KCTD16: variants seen among roughly 807,000 people sequenced by gnomAD.
KCTD16 encodes the protein potassium channel tetramerization domain containing 16.
Under a neutral mutation model 33.2 loss-of-function variants are expected in KCTD16, and 13 were observed. That is an observed-to-expected ratio of 0.39 (90% CI 0.25 to 0.62). The LOEUF (loss-of-function observed/expected upper bound fraction) is 0.62, where lower values mean the gene tolerates loss of function less well. Among genes scored for constraint, KCTD16 ranks in the 20% least tolerant of loss-of-function variants. The pLI is 0.50. For missense variants in KCTD16, 441 were observed against 525.1 expected, an observed-to-expected ratio of 0.84 and a Z score of 1.57; for synonymous variants, 197 against 195.3, an observed-to-expected ratio of 1.01 and a Z score of -0.07.
intron 3 of KCTD16, among the ~76,000 whole-genome samples, chr5:144,218,986 A>T (rs1753648466): frequency 6.6e-6 from 1 of 152,192 alleles, no homozygotes; most frequent in South Asian, 2.1e-4. Flanking sequence ...CCCTAACAGC[A>T]TCAAACTCAT....
intron 3 of KCTD16, among the ~76,000 whole-genome samples, chr5:144,240,308 G>A (rs1040918022): frequency 6.6e-6 from 1 of 152,050 alleles, no homozygotes; most frequent in South Asian, 2.1e-4. Context: ...CTTTAAATTC[G>A]AATTGTGCTT....
At chr5:144,225,057 T>A (rs1054545210) in intron 3 of KCTD16, among the ~76,000 whole-genome samples, 1 of 152,190 alleles carries the variant, frequency 6.6e-6, no homozygotes, top group African/African-American at 2.4e-5. Flanking sequence ...ACCCGAATTC[T>A]GGCATTCTTC....
At chr5:144,412,395 ATTATG>A (rs1401253009) in intron 3 of KCTD16, among the ~76,000 whole-genome samples, 3 of 152,234 alleles carry the variant, frequency 2.0e-5, no homozygotes, top group African/African-American at 7.2e-5. Flanking sequence ...ACTGGAAGTC[ATTATG>A]TTAAGTGAAA....
At chr5:144,375,010 C>T (rs1006163818) in intron 3 of KCTD16, among the ~76,000 whole-genome samples, 1 of 152,194 alleles carries the variant, frequency 6.6e-6, no homozygotes, top group Non-Finnish European at 1.5e-5. Flanking sequence ...GCATTTATTG[C>T]AACATCTCTT....
At position 144,197,574 on chromosome 5, in the gene KCTD16, C is replaced by T. The variant is rs569104862; in HGVS notation, c.-326-8815C>T. Among the ~76,000 whole-genome samples, 187 of 152,244 alleles carry T rather than the reference C, an allele frequency of 1.2e-3. 1 individual carries two copies. Among genetic ancestry groups the T allele is most frequent in the Middle Eastern group, 6.8e-3 (2 of 294 alleles). On this transcript the variant is annotated intron_variant, in intron 2 of 3. Coordinates refer to ENST00000512467, the MANE Select transcript of KCTD16 (RefSeq NM_020768.4). ...TTACTCTGAGCCTGGCACTGAACTG[C>T]GATTGGGGATATAGTGGTGATCTAT...
intron 2 of KCTD16, among the ~76,000 whole-genome samples, chr5:144,189,090 C>T (rs1009604085): frequency 4.6e-5 from 7 of 152,156 alleles, no homozygotes; most frequent in Non-Finnish European, 1.0e-4. Context: ...CTAAGATATG[C>T]CAGGCTCTTT....
chr5:144,356,729 G>T (rs763431587), intron 3 of KCTD16, among the ~76,000 whole-genome samples: 9 of 152,062 alleles, frequency 5.9e-5, no homozygotes, highest in Non-Finnish European at 1.3e-4. Context: ...TGGGGAGAAA[G>T]GCTGGGAAAG....
In KCTD16 at chr5:144,259,605, T is replaced by C. The variant is rs1324555088; in HGVS notation, c.832+52059T>C. Among the ~76,000 whole-genome samples the C allele has an allele frequency of 1.3e-4, 20 of 152,238 alleles. 1 individual carries two copies. Among genetic ancestry groups the C allele is most frequent in the Admixed American group, 1.3e-3 (20 of 15,286 alleles). On this transcript the variant is annotated intron_variant, in intron 3 of 3. Coordinates refer to ENST00000512467, the MANE Select transcript of KCTD16 (RefSeq NM_020768.4). Reference sequence around the variant, plus strand: ...AATGGGTGTTTCCATTTGTTTGGATTCATCCTTTCTTTGCAGAGAAAGATA... The same window carrying C: ...AATGGGTGTTTCCATTTGTTTGGATCCATCCTTTCTTTGCAGAGAAAGATA...
At chr5:144,220,207 A>G (rs979580730) in intron 3 of KCTD16, among the ~76,000 whole-genome samples, 8 of 152,206 alleles carry the variant, frequency 5.3e-5, no homozygotes, top group African/African-American at 1.7e-4. Flanking sequence ...CTTCAGAGTC[A>G]GGCTTCAGTG....
chr5:144,304,314 A>T (rs1044196319), intron 3 of KCTD16, among the ~76,000 whole-genome samples: 2 of 150,910 alleles, frequency 1.3e-5, no homozygotes, highest in African/African-American at 5.0e-5. Flanking sequence ...CATGTGACAT[A>T]GCAGCAATAA....
At chr5:144,372,194 CCT>C (rs1210017820) in intron 3 of KCTD16, among the ~76,000 whole-genome samples, 1 of 149,662 alleles carries the variant, frequency 6.7e-6, no homozygotes, top group African/African-American at 2.5e-5. Flanking sequence ...TTGTGTAACC[CCT>C]CTGTGCTTCT....
Position 144,475,483 on chromosome 5 carries a change from T to G in KCTD16, c.*1369T>G, listed in dbSNP as rs537090947. On this transcript the variant is annotated 3_prime_UTR_variant, in exon 4 of 4. Transcript: ENST00000512467. The stretch of plus-strand genomic sequence containing the variant: ...GACACAGCCAAAAAGAAACTGTTAA[T>G]AGCCATCCGTCCATGTAACTCTGTA... 2 of 152,770 alleles carry G rather than the reference T, an allele frequency of 1.3e-5. No individual in the cohort carries two copies. Among genetic ancestry groups the G allele is most frequent in the South Asian group, 2.1e-4 (1 of 4,832 alleles). The allele number at this position is 152,770 out of a possible 1,614,324, so 9.5% of individuals were successfully genotyped here. A position where few individuals can be genotyped will look rare whatever the true frequency, so the allele number is the denominator to read the frequency against.
intron 3 of KCTD16, among the ~76,000 whole-genome samples, chr5:144,373,841 T>C (rs1038885575): frequency 1.3e-5 from 2 of 152,212 alleles, no homozygotes; most frequent in African/African-American, 4.8e-5. Context: ...ACATTGCTAA[T>C]TGGAAGAATA....
chr5:144,408,397 T>C (rs771360856), intron 3 of KCTD16, among the ~76,000 whole-genome samples: 1 of 152,234 alleles, frequency 6.6e-6, no homozygotes, highest in African/African-American at 2.4e-5. Context: ...TAAGCACTTA[T>C]GCACAGTCAG....
Position 144,483,541 on chromosome 5 carries a change from C to G in KCTD16, c.*9427C>G. 6.6e-6 allele frequency: 1 copy of G among 151,854 alleles called. No individual in the cohort carries two copies. The highest frequency in any genetic ancestry group is 1.9e-4 in the East Asian group (1 of 5,158). The allele number at this position is 151,854 out of a possible 1,614,324, so 9.4% of individuals were successfully genotyped here. A position where few individuals can be genotyped will look rare whatever the true frequency, so the allele number is the denominator to read the frequency against. Reference sequence around the variant, plus strand: ...TGCTCAAAGAAAGAACAATGTAAGTCAAATACAAGAAAACCTTACTTACCT... The same window carrying G: ...TGCTCAAAGAAAGAACAATGTAAGTGAAATACAAGAAAACCTTACTTACCT... On this transcript the variant is annotated 3_prime_UTR_variant, in exon 4 of 4. Coordinates refer to ENST00000512467, the MANE Select transcript of KCTD16 (RefSeq NM_020768.4).
At chr5:144,351,765 G>A (rs1751441356) in intron 3 of KCTD16, among the ~76,000 whole-genome samples, 1 of 152,160 alleles carries the variant, frequency 6.6e-6, no homozygotes, top group Non-Finnish European at 1.5e-5. Context: ...CATGAAGCTA[G>A]AGGGCATTAT....
chr5:144,286,615 C>G (rs1755752775), intron 3 of KCTD16, among the ~76,000 whole-genome samples: 1 of 152,198 alleles, frequency 6.6e-6, no homozygotes, highest in Non-Finnish European at 1.5e-5. Flanking sequence ...GCTGGAGAAA[C>G]AGACGTTATC....
chr5:144,219,305 C>T (rs1753660565), intron 3 of KCTD16, among the ~76,000 whole-genome samples: 1 of 152,024 alleles, frequency 6.6e-6, no homozygotes, highest in African/African-American at 2.4e-5. Flanking sequence ...CCTCCATTTC[C>T]TGGGTCCAAG....
At chr5:144,228,584 C>T (rs557632322) in intron 3 of KCTD16, among the ~76,000 whole-genome samples, 1 of 151,942 alleles carries the variant, frequency 6.6e-6, no homozygotes, top group South Asian at 2.1e-4. Flanking sequence ...GGTGGTAGAA[C>T]AGAAAGTGAG....
Sources: allele counts gnomAD v4.1 joint callset (sites outside exome capture counted in the v4.1 genomes callset), GRCh38; gene constraint gnomAD v4.1.1; transcripts MANE v1.5; gene names NCBI Gene and HGNC (gene_info 2026-07-23, HGNC 2026-07-21).